PPIE: variants seen among roughly 807,000 people sequenced by gnomAD.
The protein encoded by PPIE is peptidyl-prolyl cis-trans isomerase E.
In PPIE, 20 loss-of-function variants were observed where a neutral mutation model predicts 38.4. The observed-to-expected ratio is 0.52, with a 90% CI of 0.37 to 0.76. PPIE has a LOEUF of 0.76. PPIE is among the 30% of genes least tolerant of loss of function. The pLI, the probability that PPIE is intolerant of heterozygous loss-of-function variation, is 0.00. For missense variants in PPIE, 322 were observed against 385.8 expected (o/e 0.83, Z 1.39); for synonymous variants, 142 against 135.7 (o/e 1.05, Z -0.32).
downstream of PPIE, chr1:39,760,351 G>A: frequency 6.3e-7 from 1 of 1,598,640 alleles, no homozygotes; most frequent in Non-Finnish European, 8.5e-7. Flanking sequence ...TGGGTTTGAG[G>A]GTTTCCTGCT....
chr1:39,763,053 C>A (rs763543774), intron 9 of PPIE: 61 of 1,606,624 alleles, frequency 3.8e-5, no homozygotes, highest in Non-Finnish European at 5.1e-5. Context: ...ACAGGGCCCC[C>A]CACCCCAGGG....
intron 9 of PPIE, chr1:39,762,350 G>T: frequency 1.1e-6 from 1 of 885,694 alleles, no homozygotes; most frequent in Non-Finnish European, 1.7e-6. Flanking sequence ...AGGCATCACC[G>T]TTGAACCTCC....
At chr1:39,751,428 G>A (rs1273345643) in intron 8 of PPIE, among the ~76,000 whole-genome samples, 2 of 152,070 alleles carry the variant, frequency 1.3e-5, no homozygotes, top group African/African-American at 2.4e-5. Flanking sequence ...GGTGCAAGAC[G>A]GCTCACTGCA....
chr1:39,756,134 C>T lies in PPIE; in HGVS notation c.*2779C>T, dbSNP rs150780735. ...TGCCCCACAGCCTGGCCACCTGCTTCGGCTACGCACCATGCAGCAGCTGCA... is the reference window on the plus strand; with the variant it reads ...TGCCCCACAGCCTGGCCACCTGCTTTGGCTACGCACCATGCAGCAGCTGCA... On this transcript the variant is annotated 3_prime_UTR_variant, in exon 10 of 10. Transcript: ENST00000324379. 18,623 of 985,440 alleles carry T rather than the reference C, an allele frequency of 0.019. 198 individuals are homozygous for T. The highest frequency in any genetic ancestry group is 0.021 in the Non-Finnish European group (17,127 of 829,926). The allele number at this position is 985,440 out of a possible 1,614,324, so 61.0% of individuals were successfully genotyped here.
rs1647931439 is a variant in PPIE, at chr1:39,753,195, G to C, written c.838-92G>C. The C allele has an allele frequency of 3.1e-6, 5 of 1,589,412 alleles. No homozygotes were observed. In the East Asian group the frequency reaches 1.1e-4, roughly 36 times the overall value. ...GGGCTGCTGCTGCCCAGGTTCCGGG[G>C]TGGAAGTGGGCAAATGGGCAGGCAG... On this transcript the variant is annotated intron_variant, in intron 9 of 9. Coordinates refer to ENST00000324379, the MANE Select transcript of PPIE (RefSeq NM_006112.4).
At chr1:39,740,916 A>G (rs1252911462) in intron 2 of PPIE, among the ~76,000 whole-genome samples, 2 of 152,044 alleles carry the variant, frequency 1.3e-5, no homozygotes, top group Non-Finnish European at 2.9e-5. Context: ...GATAAACATT[A>G]TTGTGCTTGG....
chr1:39,749,549 T>G (rs1018084061), intron 8 of PPIE, among the ~76,000 whole-genome samples: 24 of 152,192 alleles, frequency 1.6e-4, no homozygotes, highest in African/African-American at 5.5e-4. Context: ...CAACCGGAGA[T>G]GATGTGTCCA....
At chr1:39,752,204 G>A (rs1647803063) in intron 8 of PPIE, among the ~76,000 whole-genome samples, 1 of 152,162 alleles carries the variant, frequency 6.6e-6, no homozygotes. Context: ...GCTTTCAGCG[G>A]TATCTCTGAG....
chr1:39,750,927 A>G (rs915464538), intron 8 of PPIE, among the ~76,000 whole-genome samples: 1 of 152,248 alleles, frequency 6.6e-6, no homozygotes, highest in Admixed American at 6.5e-5. Context: ...ATCAGTATTC[A>G]TCTGTAACTA....
Position 39,755,190 on chromosome 1 carries a change from G to C in PPIE, c.*1835G>C, listed in dbSNP as rs539049332. 1.0e-6 allele frequency: 1 copy of C among 985,468 alleles called. No individual in the cohort carries two copies. The highest frequency in any genetic ancestry group is 1.1e-4 in the East Asian group (1 of 8,818). The allele number at this position is 985,468 out of a possible 1,614,324, so 61.0% of individuals were successfully genotyped here. A position where few individuals can be genotyped will look rare whatever the true frequency, so the allele number is the denominator to read the frequency against. ...TTAGCAGGGACTGAGTCCTGTAGCT[G>C]TTGGACACCTCCTGTGGGTTGGGTC... is the stretch of plus-strand genomic sequence containing the variant. On this transcript the variant is annotated 3_prime_UTR_variant, in exon 10 of 10. Coordinates refer to ENST00000324379, the MANE Select transcript of PPIE (RefSeq NM_006112.4).
In PPIE at chr1:39,743,278, G is replaced by A. The variant is rs753395274; in HGVS notation, c.264G>A (p.Lys88=). 1 of 1,614,110 alleles carries A rather than the reference G, an allele frequency of 6.2e-7. No homozygotes were observed. Among genetic ancestry groups the A allele is most frequent in the East Asian group, 2.2e-5 (1 of 44,876 alleles). The change falls in exon 5 of 10, where the codon AAG becomes AAA. Residue 88 remains lysine (K), a synonymous_variant. Transcript: ENST00000324379. ...ATTTGGCCAAACCAATGAGAATTAAGGAAGGCTCTTCCAGGCCAGGTGAGT... is the reference window on the plus strand; with the variant it reads ...ATTTGGCCAAACCAATGAGAATTAAAGAAGGCTCTTCCAGGCCAGGTGAGT... ...RVNLAKPMRI[K]EGSSRPVWSD...
intron 6 of PPIE, among the ~76,000 whole-genome samples, chr1:39,744,258 C>T (rs1647137280): frequency 6.6e-6 from 1 of 152,198 alleles, no homozygotes; most frequent in Non-Finnish European, 1.5e-5. Flanking sequence ...AGTCCCCCTC[C>T]TTCACTGAAG....
chr1:39,744,852 A>G (rs751637588), intron 6 of PPIE, among the ~76,000 whole-genome samples: 5 of 152,106 alleles, frequency 3.3e-5, no homozygotes, highest in African/African-American at 4.8e-5. Context: ...TTGGAGCACA[A>G]TGCAAGGCCC....
At chr1:39,752,467 A>C (rs1189008961) in intron 8 of PPIE, among the ~76,000 whole-genome samples, 1 of 152,172 alleles carries the variant, frequency 6.6e-6, no homozygotes, top group Non-Finnish European at 1.5e-5. Flanking sequence ...ACATACATAC[A>C]TGTACACATA....
chr1:39,751,761 G>T (rs951043704), intron 8 of PPIE, among the ~76,000 whole-genome samples: 1 of 152,078 alleles, frequency 6.6e-6, no homozygotes, highest in Non-Finnish European at 1.5e-5. Flanking sequence ...CTAAATGCCA[G>T]TAGCACCCCC....
chr1:39,754,552 CTTAAATA>C lies in PPIE; in HGVS notation c.*1202_*1208del, dbSNP rs1366401920. On this transcript the variant is annotated 3_prime_UTR_variant, in exon 10 of 10. Coordinates refer to ENST00000324379, the MANE Select transcript of PPIE (RefSeq NM_006112.4). ...GGTAATCTGCTTTACTCTCTACTGA[CTTAAATA>C]TTAATCCATCTAAAAAATAGGCCAG... 3.3e-5 allele frequency among the ~76,000 whole-genome samples: 5 copies of C among 152,182 alleles called. No individual in the cohort carries two copies. Among genetic ancestry groups the C allele is most frequent in the African/African-American group, 9.7e-5 (4 of 41,440 alleles).
At chr1:39,745,269 C>T in intron 6 of PPIE, 106 bp from the exon 7 acceptor site, 3 of 1,480,034 alleles carry the variant, frequency 2.0e-6, no homozygotes, top group Non-Finnish European at 2.8e-6. Context: ...GCACTTGCTC[C>T]AGCCTACGCA....
At chr1:39,760,290 G>A (rs1557466654), downstream of PPIE, 7 of 1,407,490 alleles carry the variant, frequency 5.0e-6, no homozygotes, top group Non-Finnish European at 6.7e-6. Context: ...AAAGGGTCAT[G>A]TACGTGGTTG....
At chr1:39,740,297 T>C in intron 2 of PPIE, 34 bp downstream of exon 2, 13 of 1,538,864 alleles carry the variant, frequency 8.4e-6, no homozygotes, top group Non-Finnish European at 1.2e-5. Flanking sequence ...AGAATCCTCT[T>C]ACTAGGAAAA....
Sources: allele counts gnomAD v4.1 joint callset (sites outside exome capture counted in the v4.1 genomes callset), GRCh38; gene constraint gnomAD v4.1.1; transcripts MANE v1.5; gene names NCBI Gene and HGNC (gene_info 2026-07-23, HGNC 2026-07-21).